The following FOXN3 variants were observed in gnomAD, a reference collection of about 807,000 sequenced individuals.
FOXN3 encodes forkhead box protein N3.
Under a neutral mutation model 38.4 loss-of-function variants are expected in FOXN3, and 7 were observed. The observed-to-expected ratio is 0.18, with a 90% CI of 0.10 to 0.34. The LOEUF is 0.34. Ranked by LOEUF, FOXN3 falls within the 10% of genes least tolerant of loss-of-function variation. FOXN3 has a pLI of 1.00. For missense variants in FOXN3, 456 were observed against 613.4 expected (o/e 0.74, Z 2.71); for synonymous variants, 230 against 242.2 (o/e 0.95, Z 0.47).
At chr14:89,342,668 G>T (rs1012373254) in intron 3 of FOXN3, among the ~76,000 whole-genome samples, 2 of 151,912 alleles carry the variant, frequency 1.3e-5, no homozygotes, top group African/African-American at 4.8e-5. Flanking sequence ...TGAAAGCCCC[G>T]GTATTCAATC....
At chr14:89,438,614 A>G (rs1227482877) in intron 1 of FOXN3, among the ~76,000 whole-genome samples, 2 of 152,256 alleles carry the variant, frequency 1.3e-5, no homozygotes, top group African/African-American at 2.4e-5. Context: ...AAATAATGTA[A>G]CATATCAAAC....
Position 89,180,696 on chromosome 14 carries a change from C to G in FOXN3, c.851+5G>C. 2 of 1,600,242 alleles carry G rather than the reference C, an allele frequency of 1.2e-6. No individual in the cohort carries two copies. Among genetic ancestry groups the G allele is most frequent in the East Asian group, 4.5e-5 (2 of 44,446 alleles). ...CTGGCTCTGCCCAGCGCACTCCCCA[C>G]TTACCTCATGGCCGCTGTCACCCCA... On this transcript the variant is annotated splice_donor_5th_base_variant and intron_variant, in intron 5 of 5. Transcript: ENST00000557258.
intron 3 of FOXN3, among the ~76,000 whole-genome samples, chr14:89,312,270 G>A (rs1288090087): frequency 1.4e-5 from 1 of 70,616 alleles, no homozygotes. Context: ...GGGTGACAGA[G>A]CAAGACTCGG....
chr14:89,283,512 T>C (rs1886524804), intron 3 of FOXN3, among the ~76,000 whole-genome samples: 1 of 152,176 alleles, frequency 6.6e-6, no homozygotes, highest in African/African-American at 2.4e-5. Context: ...TGAAATTACT[T>C]AGAAGTGTCT....
Position 89,163,041 on chromosome 14 carries a change from C to T in FOXN3, c.852-72G>A. 2 of 1,372,398 alleles carry T rather than the reference C, an allele frequency of 1.5e-6. No individual in the cohort carries two copies. The highest frequency in any genetic ancestry group is 2.3e-4 in the Middle Eastern group (1 of 4,290). 85.0% of individuals were successfully genotyped at this position (1,372,398 alleles called of 1,614,324 possible). A position where few individuals can be genotyped will look rare whatever the true frequency, so the allele number is the denominator to read the frequency against. On this transcript the variant is annotated intron_variant, in intron 5 of 5. Transcript: ENST00000557258. The surrounding 1 kb of genome is among the most constrained non-coding windows in gnomAD (Gnocchi z 4.3). ...ACAGTTAGACGTCCTCAGATGGGGG[C>T]ACCCGGCAGCCCGCCTGCATTCAAC...
chr14:89,340,194 T>A (rs1888577561), intron 3 of FOXN3, among the ~76,000 whole-genome samples: 1 of 152,188 alleles, frequency 6.6e-6, no homozygotes, highest in Non-Finnish European at 1.5e-5. Flanking sequence ...ATTTTTCTTC[T>A]GCCCAAACTG....
intron 4 of FOXN3, among the ~76,000 whole-genome samples, chr14:89,188,266 A>G (rs1473117742): frequency 6.6e-6 from 1 of 152,242 alleles, no homozygotes; most frequent in Non-Finnish European, 1.5e-5. Flanking sequence ...TCTGAGTATT[A>G]CAGAGTTGGA....
At chr14:89,604,056 T>C (rs181635882) in intron 1 of FOXN3, among the ~76,000 whole-genome samples, 2 of 152,326 alleles carry the variant, frequency 1.3e-5, no homozygotes, top group African/African-American at 2.4e-5. Flanking sequence ...AAACCTCAAG[T>C]TGAGAATTTT....
At chr14:89,459,952 A>T (rs1051091556) in intron 1 of FOXN3, among the ~76,000 whole-genome samples, 1 of 152,150 alleles carries the variant, frequency 6.6e-6, no homozygotes, top group Non-Finnish European at 1.5e-5. Context: ...AGGGGAAGAC[A>T]ATACGAACTC....
At chr14:89,590,484 C>T in intron 1 of FOXN3, among the ~76,000 whole-genome samples, 1 of 152,112 alleles carries the variant, frequency 6.6e-6, no homozygotes, top group East Asian at 1.9e-4. Context: ...CCCACTGAAT[C>T]CTAAGAAGGC....
chr14:89,576,797 A>G (rs1373648757), intron 1 of FOXN3: 1 of 152,084 alleles, frequency 6.6e-6, no homozygotes, highest in Non-Finnish European at 1.5e-5. Flanking sequence ...GTCTCTCCCA[A>G]CTGGCCACTT....
At chr14:89,609,767 G>C (rs1381192097) in intron 1 of FOXN3, among the ~76,000 whole-genome samples, 3 of 152,110 alleles carry the variant, frequency 2.0e-5, no homozygotes, top group Non-Finnish European at 4.4e-5. Context: ...GCACGATCAA[G>C]GTCACTCGTA....
chr14:89,383,043 T>TG (rs1890700560), intron 2 of FOXN3, among the ~76,000 whole-genome samples: 1 of 149,424 alleles, frequency 6.7e-6, no homozygotes, highest in Non-Finnish European at 1.5e-5. Flanking sequence ...TTTTTTTTTT[T>TG]TTTTTTTTTT....
intron 1 of FOXN3, among the ~76,000 whole-genome samples, chr14:89,436,199 G>A (rs902353544): frequency 1.4e-5 from 2 of 146,952 alleles, no homozygotes; most frequent in Non-Finnish European, 3.0e-5. Flanking sequence ...TGACTGCCCT[G>A]ACTTATCATT....
intron 1 of FOXN3, among the ~76,000 whole-genome samples, chr14:89,544,901 T>C (rs1894857042): frequency 6.6e-6 from 1 of 152,220 alleles, no homozygotes; most frequent in African/African-American, 2.4e-5. Context: ...CACTGTTCAT[T>C]TTTGGAATCT....
At chr14:89,390,432 C>T (rs1278517363) in intron 2 of FOXN3, among the ~76,000 whole-genome samples, 1 of 144,622 alleles carries the variant, frequency 6.9e-6, no homozygotes, top group Non-Finnish European at 1.5e-5. Flanking sequence ...CAGTGAAATC[C>T]ACTAATGTAT....
At chr14:89,262,775 G>A (rs1885846805) in intron 4 of FOXN3, among the ~76,000 whole-genome samples, 1 of 152,066 alleles carries the variant, frequency 6.6e-6, no homozygotes, top group Admixed American at 6.6e-5. Flanking sequence ...AAGACATTTG[G>A]AAACCTAAGA....
At chr14:89,363,947 A>AATATATATATATATATTATATATATAT in intron 2 of FOXN3, among the ~76,000 whole-genome samples, 1 of 111,366 alleles carries the variant, frequency 9.0e-6, no homozygotes, top group South Asian at 2.5e-4. Context: ...CTGTCTGTAA[A>AATATATATATATATATTATATATATAT]ATATATATAT....
At chr14:89,437,637 C>T (rs1470379965) in intron 1 of FOXN3, among the ~76,000 whole-genome samples, 1 of 152,170 alleles carries the variant, frequency 6.6e-6, no homozygotes, top group Non-Finnish European at 1.5e-5. Context: ...AGGAAGTTAC[C>T]ATGTATGATC....
Sources: allele counts gnomAD v4.1 joint callset (sites outside exome capture counted in the v4.1 genomes callset), GRCh38; gene constraint gnomAD v4.1.1; non-coding constraint Gnocchi (gnomAD v3.1); transcripts MANE v1.5; gene names NCBI Gene and HGNC (gene_info 2026-07-23, HGNC 2026-07-21).